The following EDIL3 variants were observed in gnomAD, a reference collection of about 807,000 sequenced individuals.
EDIL3 encodes EGF-like repeat and discoidin I-like domain-containing protein 3.
In EDIL3, 37 loss-of-function variants were observed where a neutral mutation model predicts 67.4. The ratio of observed to expected loss-of-function variants is 0.55; its 90% confidence interval spans 0.42 to 0.72. The LOEUF (loss-of-function observed/expected upper bound fraction) is 0.72, where lower values mean the gene tolerates loss of function less well. Among genes scored for constraint, EDIL3 ranks in the 30% least tolerant of loss-of-function variants. EDIL3 has a pLI of 0.00. For synonymous variants in EDIL3, 195 were observed against 196.3 expected (o/e 0.99, Z 0.05); for missense variants, 527 against 586.3 (o/e 0.90, Z 1.04).
At chr5:84,346,539 T>C (rs1368287815) in intron 1 of EDIL3, among the ~76,000 whole-genome samples, 2 of 152,222 alleles carry the variant, frequency 1.3e-5, no homozygotes, top group Non-Finnish European at 2.9e-5. Context: ...AGTATTCTCC[T>C]GAGGTAGATG....
chr5:84,359,937 T>G (rs944018545), intron 1 of EDIL3, among the ~76,000 whole-genome samples: 1 of 152,184 alleles, frequency 6.6e-6, no homozygotes, highest in African/African-American at 2.4e-5. Flanking sequence ...ATGTCTCTTT[T>G]CATATCCTTA....
At chr5:84,295,163 C>G (rs772757594) in intron 1 of EDIL3, among the ~76,000 whole-genome samples, 17 of 151,600 alleles carry the variant, frequency 1.1e-4, no homozygotes, top group Admixed American at 8.5e-4. Context: ...TGCTATATAT[C>G]ATAATATAGA....
chr5:84,111,111 T>G (rs529723197), intron 5 of EDIL3, among the ~76,000 whole-genome samples: 1 of 152,266 alleles, frequency 6.6e-6, no homozygotes, highest in Admixed American at 6.5e-5. Flanking sequence ...TCACTCCTGC[T>G]GCCATAGGAA....
At chr5:84,025,622 T>TACC (rs1283522760) in intron 9 of EDIL3, among the ~76,000 whole-genome samples, 2 of 152,184 alleles carry the variant, frequency 1.3e-5, no homozygotes, top group African/African-American at 2.4e-5. Flanking sequence ...TGGTCCCTGG[T>TACC]ACCAAAAAGG....
intron 6 of EDIL3, among the ~76,000 whole-genome samples, chr5:84,073,818 G>A (rs1746793422): frequency 6.6e-6 from 1 of 152,110 alleles, no homozygotes; most frequent in Non-Finnish European, 1.5e-5. Context: ...AGCTACCAAT[G>A]ACTTTCCTCA....
chr5:84,277,093 G>T (rs577398153), intron 1 of EDIL3, among the ~76,000 whole-genome samples: 1 of 152,174 alleles, frequency 6.6e-6, no homozygotes, highest in African/African-American at 2.4e-5. Context: ...CATTTTAAAA[G>T]TTAAAAAGCT....
intron 9 of EDIL3, among the ~76,000 whole-genome samples, chr5:84,006,275 A>G (rs1241093374): frequency 4.6e-5 from 7 of 152,052 alleles, no homozygotes; most frequent in African/African-American, 4.8e-5. Context: ...AAAGTAACTG[A>G]AAGATTCAAT....
intron 4 of EDIL3, among the ~76,000 whole-genome samples, chr5:84,166,511 C>A (rs187839988): frequency 3.9e-4 from 60 of 152,210 alleles, no homozygotes; most frequent in South Asian, 2.1e-3. Context: ...ATTTATCAAG[C>A]ACCTATGATG....
chr5:84,132,068 A>G lies in EDIL3; in HGVS notation c.469+5173T>C, dbSNP rs955494701. Among the ~76,000 whole-genome samples, 3 of 150,362 alleles carry G rather than the reference A, an allele frequency of 2.0e-5. No homozygotes were observed. The South Asian group carries it at 6.3e-4, about 31-fold the overall frequency. On this transcript the variant is annotated intron_variant, in intron 5 of 10. Transcript: ENST00000296591. ...GCTAATATGGTGAAACCCCGTCTCT[A>G]CTAAAAATACAAAAAAAATAGCCTG...
chr5:84,287,857 T>G (rs1745839960), intron 1 of EDIL3, among the ~76,000 whole-genome samples: 1 of 152,056 alleles, frequency 6.6e-6, no homozygotes, highest in African/African-American at 2.4e-5. Flanking sequence ...CCTCTTCCTC[T>G]CTAACTCTTA....
intron 3 of EDIL3, among the ~76,000 whole-genome samples, chr5:84,194,609 T>G (rs1041029844): frequency 3.9e-5 from 6 of 151,958 alleles, no homozygotes; most frequent in African/African-American, 1.2e-4. Context: ...TTAAAAATGT[T>G]GAGCTATTGA....
In EDIL3 at chr5:83,954,190, AT is replaced by A. The variant is rs148147604; in HGVS notation, c.1293+9014del. Reference sequence around the variant, plus strand: ...TCATGTAGAACTAAAGTCCTTGAGCATTTTTTTTTATCATATAATAAACAAT... The same window carrying A: ...TCATGTAGAACTAAAGTCCTTGAGCATTTTTTTTATCATATAATAAACAAT... On this transcript the variant is annotated intron_variant, in intron 10 of 10. Coordinates refer to ENST00000296591, the MANE Select transcript of EDIL3 (RefSeq NM_005711.5). Among the ~76,000 whole-genome samples, 881 of 150,868 alleles carry A rather than the reference AT, an allele frequency of 5.8e-3. 8 individuals are homozygous for A. Among genetic ancestry groups the A allele is most frequent in the African/African-American group, 8.8e-3 (361 of 41,188 alleles).
intron 3 of EDIL3, among the ~76,000 whole-genome samples, chr5:84,190,579 G>GTGTATA (rs1456078500): frequency 1.6e-5 from 2 of 122,056 alleles, no homozygotes; most frequent in Non-Finnish European, 3.4e-5. Flanking sequence ...GTGTGTGTGT[G>GTGTATA]TATATATATA....
chr5:84,006,121 T>C (rs1384373011), intron 9 of EDIL3, among the ~76,000 whole-genome samples: 1 of 149,324 alleles, frequency 6.7e-6, no homozygotes, highest in Non-Finnish European at 1.5e-5. Flanking sequence ...GTAAAATATC[T>C]AGGAATAAGG....
At chr5:84,307,061 T>A (rs990280905) in intron 1 of EDIL3, among the ~76,000 whole-genome samples, 2 of 152,174 alleles carry the variant, frequency 1.3e-5, no homozygotes, top group African/African-American at 4.8e-5. Context: ...AAGACATAAA[T>A]GATACTATCA....
chr5:84,138,320 C>T (rs1340855134), intron 4 of EDIL3, among the ~76,000 whole-genome samples: 1 of 152,176 alleles, frequency 6.6e-6, no homozygotes, highest in Non-Finnish European at 1.5e-5. Flanking sequence ...TTATATTTAG[C>T]CCCTTTCACC....
At chr5:84,051,061 C>A (rs924489454) in intron 9 of EDIL3, among the ~76,000 whole-genome samples, 6 of 152,164 alleles carry the variant, frequency 3.9e-5, no homozygotes, top group East Asian at 1.9e-4. Context: ...GGAGGCACCC[C>A]CCAGTAGGGG....
intron 3 of EDIL3, among the ~76,000 whole-genome samples, chr5:84,203,348 T>C (rs1561219189): frequency 6.6e-6 from 1 of 152,182 alleles, no homozygotes; most frequent in Non-Finnish European, 1.5e-5. Flanking sequence ...TCATTAGGAA[T>C]ACTTTTTAAA....
At position 84,315,938 on chromosome 5, in the gene EDIL3, A is replaced by G. The variant is rs140353089; in HGVS notation, c.68-61726T>C. 5.1e-3 allele frequency among the ~76,000 whole-genome samples: 783 copies of G among 152,330 alleles called. 1 individual carries two copies. Among genetic ancestry groups the G allele is most frequent in the Middle Eastern group, 6.8e-3 (2 of 294 alleles). On this transcript the variant is annotated intron_variant, in intron 1 of 10. Coordinates refer to ENST00000296591, the MANE Select transcript of EDIL3 (RefSeq NM_005711.5). ...CAACAGAAACTCTACATGCCAGAAG[A>G]GAGTGGGGGCCAATATTCAACATTC...
Sources: gnomAD v4.1 joint callset for allele counts (sites outside exome capture counted in the v4.1 genomes callset) on GRCh38, gnomAD v4.1.1 for gene constraint, MANE v1.5 for transcripts, NCBI Gene and HGNC (gene_info 2026-07-23, HGNC 2026-07-21) for gene names.